SEMA3A: variants seen among roughly 807,000 people sequenced by gnomAD.
The protein encoded by SEMA3A is semaphorin 3A.
SEMA3A carries 29 observed loss-of-function variants against 97.9 expected under a neutral mutation model. That is an observed-to-expected ratio of 0.30 (90% CI 0.22 to 0.40). The LOEUF is 0.40. SEMA3A is among the 10% of genes least tolerant of loss of function. The pLI, the probability that SEMA3A is intolerant of heterozygous loss-of-function variation, is 1.00. For missense variants in SEMA3A, 763 were observed against 951.3 expected (o/e 0.80, Z 2.60); for synonymous variants, 321 against 323.7 (o/e 0.99, Z 0.09).
intron 6 of SEMA3A, among the ~76,000 whole-genome samples, chr7:84,018,831 A>G (rs1347797864): frequency 6.6e-6 from 1 of 152,218 alleles, no homozygotes; most frequent in Admixed American, 6.5e-5. Flanking sequence ...GGACAAAGCC[A>G]CTGAAGTGTT....
At chr7:84,428,744 A>G (rs781085556) in intron 1 of SEMA3A, among the ~76,000 whole-genome samples, 1 of 152,062 alleles carries the variant, frequency 6.6e-6, no homozygotes, top group Non-Finnish European at 1.5e-5. Context: ...TAAAAAGAAA[A>G]ACATAATAAA....
chr7:84,327,993 T>C (rs1262080948), intron 2 of SEMA3A, among the ~76,000 whole-genome samples: 1 of 152,032 alleles, frequency 6.6e-6, no homozygotes, highest in Non-Finnish European at 1.5e-5. Flanking sequence ...TTATAGTAGT[T>C]CTAACTTATT....
intron 15 of SEMA3A, among the ~76,000 whole-genome samples, chr7:83,974,821 T>C (rs983613098): frequency 1.3e-5 from 2 of 152,056 alleles, no homozygotes; most frequent in Non-Finnish European, 2.9e-5. Flanking sequence ...AAAAGGAATA[T>C]TTTATTGCTG....
intron 1 of SEMA3A, among the ~76,000 whole-genome samples, chr7:84,405,829 A>G (rs1284775395): frequency 6.6e-6 from 1 of 152,214 alleles, no homozygotes; most frequent in Non-Finnish European, 1.5e-5. Flanking sequence ...AGGCAGAAAT[A>G]AAGATGTTCT....
rs1031809450 is a variant in SEMA3A, at chr7:84,478,108, G to A, written c.-246+14352C>T. On this transcript the variant is annotated intron_variant, in intron 1 of 3. Transcript: ENST00000424555. ...GTTAAAATATACTTTGAAATTTAGT[G>A]GTAAGAGAGACCCTCCCCTGCCCTC... 3.9e-5 allele frequency among the ~76,000 whole-genome samples: 6 copies of A among 152,102 alleles called. 1 individual carries two copies.
chr7:84,011,702 G>A lies in SEMA3A; in HGVS notation c.811-405C>T, dbSNP rs116693485. Among the ~76,000 whole-genome samples the A allele has an allele frequency of 3.1e-3, 469 of 152,208 alleles. 1 individual carries two copies. The highest frequency in any genetic ancestry group is 0.01 in the African/African-American group (423 of 41,554). On this transcript the variant is annotated intron_variant, in intron 7 of 16. Transcript: ENST00000265362. ...TTTTCTTTGAGATATGTTGCACAAT[G>A]TGGTATCATAAATAATAATGTATTA...
intron 1 of SEMA3A, among the ~76,000 whole-genome samples, chr7:84,432,344 T>A (rs10276631): frequency 0.18 from 26,984 of 152,062 alleles, 2,539 homozygotes; most frequent in Middle Eastern, 0.23. Flanking sequence ...AATCTATTTT[T>A]CTCTTTATTC....
At chr7:83,973,869 G>A (rs962406305) in intron 15 of SEMA3A, among the ~76,000 whole-genome samples, 1 of 143,614 alleles carries the variant, frequency 7.0e-6, no homozygotes, top group Admixed American at 6.9e-5. Flanking sequence ...CTAACATGAT[G>A]GTACAGTTAA....
At chr7:84,381,952 A>T (rs185915329) in intron 1 of SEMA3A, among the ~76,000 whole-genome samples, 62 of 152,272 alleles carry the variant, frequency 4.1e-4, no homozygotes, top group African/African-American at 1.3e-3. Flanking sequence ...CATGTAAAAG[A>T]ACAAGAATTG....
chr7:84,140,430 C>A lies in SEMA3A; in HGVS notation c.113-5479G>T, dbSNP rs527514159. Among the ~76,000 whole-genome samples, 47 of 152,212 alleles carry A rather than the reference C, an allele frequency of 3.1e-4. 2 individuals carry two copies. The highest frequency in any genetic ancestry group is 3.1e-3 in the Admixed American group (47 of 15,280). ...ACCCTGTTCTTTATATTTCTGACTT[C>A]TGTTATATTTCTCTGTCTCTCTTTT... On this transcript the variant is annotated intron_variant, in intron 1 of 16. Transcript: ENST00000265362.
At chr7:84,034,688 T>C (rs1365113427) in intron 6 of SEMA3A, among the ~76,000 whole-genome samples, 1 of 152,192 alleles carries the variant, frequency 6.6e-6, no homozygotes, top group Non-Finnish European at 1.5e-5. Context: ...CTAGGCAATT[T>C]GGTGGGTACA....
chr7:84,032,253 T>C (rs1791788491), intron 6 of SEMA3A, among the ~76,000 whole-genome samples: 1 of 152,058 alleles, frequency 6.6e-6, no homozygotes, highest in African/African-American at 2.4e-5. Context: ...ATTCTTAAAA[T>C]AAAATAATGA....
chr7:84,261,252 C>T (rs1799850136), intron 3 of SEMA3A, among the ~76,000 whole-genome samples: 1 of 152,150 alleles, frequency 6.6e-6, no homozygotes, highest in South Asian at 2.1e-4. Flanking sequence ...CACTCAATAA[C>T]ACTCCTCTCT....
At chr7:84,105,582 T>G (rs1247805996) in intron 4 of SEMA3A, among the ~76,000 whole-genome samples, 2 of 152,176 alleles carry the variant, frequency 1.3e-5, no homozygotes, top group East Asian at 3.9e-4. Context: ...TCAGCTCTCA[T>G]CTGGGCCTGC....
At chr7:84,033,563 G>A (rs890737944) in intron 6 of SEMA3A, among the ~76,000 whole-genome samples, 3 of 152,098 alleles carry the variant, frequency 2.0e-5, no homozygotes, top group Non-Finnish European at 4.4e-5. Flanking sequence ...GATCACAAAT[G>A]AGCAGTAAAT....
At chr7:84,215,226 C>A (rs1410810701) in intron 3 of SEMA3A, among the ~76,000 whole-genome samples, 1 of 151,878 alleles carries the variant, frequency 6.6e-6, no homozygotes, top group Non-Finnish European at 1.5e-5. Flanking sequence ...ACTCTTGTTG[C>A]CCAGGCTGGA....
At chr7:84,137,128 C>T (rs1055708822) in intron 1 of SEMA3A, among the ~76,000 whole-genome samples, 1 of 152,022 alleles carries the variant, frequency 6.6e-6, no homozygotes, top group Non-Finnish European at 1.5e-5. Context: ...TGGCTGGACA[C>T]GGTGGCTCAT....
chr7:83,980,639 T>TACACACAC (rs68037473), intron 14 of SEMA3A, among the ~76,000 whole-genome samples: 1 of 88,450 alleles, frequency 1.1e-5, no homozygotes, highest in East Asian at 3.2e-4. Flanking sequence ...TATATATATA[T>TACACACAC]ACACACACAC....
intron 1 of SEMA3A, among the ~76,000 whole-genome samples, chr7:84,429,926 A>T (rs758017716): frequency 6.6e-6 from 1 of 151,872 alleles, no homozygotes; most frequent in Non-Finnish European, 1.5e-5. Flanking sequence ...TCATCATAAA[A>T]ATCCCACATA....
Sources: allele counts gnomAD v4.1 joint callset (sites outside exome capture counted in the v4.1 genomes callset), GRCh38; gene constraint gnomAD v4.1.1; transcripts MANE v1.5; gene names NCBI Gene and HGNC (gene_info 2026-07-23, HGNC 2026-07-21).